The following GABRA5 variants were observed in gnomAD, a reference collection of about 807,000 sequenced individuals.
GABRA5 encodes gamma-aminobutyric acid type A receptor subunit alpha5.
A neutral mutation model predicts 47.3 loss-of-function variants in GABRA5; 18 were observed. The observed-to-expected ratio is 0.38, with a 90% CI of 0.26 to 0.56. The LOEUF is 0.56. Among genes scored for constraint, GABRA5 ranks in the 20% least tolerant of loss-of-function variants. The pLI is 0.71. For missense variants in GABRA5, 365 were observed against 599.3 expected (o/e 0.61, Z 4.08); for synonymous variants, 237 against 229.3 (o/e 1.03, Z -0.30).
At chr15:26,940,210 C>T (rs41309256) in intron 9 of GABRA5, 133 bp downstream of exon 9, 19,219 of 720,456 alleles carry the variant, frequency 0.027, 366 homozygotes, top group Non-Finnish European at 0.032. Context: ...AGAAATTGAC[C>T]CACTAATTAA....
intron 3 of GABRA5, chr15:26,880,631 T>A: frequency 2.3e-6 from 1 of 441,750 alleles, no homozygotes; most frequent in Non-Finnish European, 4.0e-6. Flanking sequence ...TCAGGTTAGG[T>A]GGTTGGATAA....
chr15:26,944,268 C>T (rs1894459229), intron 10 of GABRA5, among the ~76,000 whole-genome samples: 1 of 152,240 alleles, frequency 6.6e-6, no homozygotes. Context: ...CCTGGTTCCA[C>T]TGGGAGACCT....
chr15:26,878,397 C>T (rs536172922), intron 3 of GABRA5, among the ~76,000 whole-genome samples: 1 of 152,338 alleles, frequency 6.6e-6, no homozygotes, highest in African/African-American at 2.4e-5. Context: ...ACGAGCCTTT[C>T]TCTCCATGGC....
At chr15:26,872,510 A>G (rs561366016) in intron 3 of GABRA5, among the ~76,000 whole-genome samples, 1 of 152,336 alleles carries the variant, frequency 6.6e-6, no homozygotes, top group East Asian at 1.9e-4. Context: ...AAAAGGTAGT[A>G]CCTGCTTCAG....
In GABRA5 at chr15:26,937,344, G is replaced by A. The variant is rs143301914; in HGVS notation, c.724+16G>A. On this transcript the variant is annotated intron_variant, in intron 8 of 10. Coordinates refer to ENST00000335625, the MANE Select transcript of GABRA5 (RefSeq NM_000810.4). ...ACCAGCACAGGTGAGGGCTCGGCAC[G>A]CGCTGTGCTGCCAGGCGCACTCAGG... 1,780 of 1,590,906 alleles carry A rather than the reference G, an allele frequency of 1.1e-3. 19 individuals carry two copies. In the African/African-American group the frequency reaches 0.021, roughly 19 times the overall value.
rs535432382 is a variant in GABRA5, at chr15:26,948,362, T to G, written c.*129T>G. 1.3e-6 allele frequency: 1 copy of G among 775,470 alleles called. No individual in the cohort carries two copies. Among genetic ancestry groups the G allele is most frequent in the Non-Finnish European group, 2.1e-6 (1 of 485,358 alleles). The allele number at this position is 775,470 out of a possible 1,614,324, so 48.0% of individuals were successfully genotyped here. A position where few individuals can be genotyped will look rare whatever the true frequency, so the allele number is the denominator to read the frequency against. ...GGAAATTTTTGCATGTTTAATAATA[T>G]GTACAAATAATATTGCCTTGATGTT... is the stretch of plus-strand genomic sequence containing the variant. On this transcript the variant is annotated 3_prime_UTR_variant, in exon 11 of 11. Transcript: ENST00000335625.
Position 26,883,284 on chromosome 15 carries a change from C to T in GABRA5, c.276+51C>T, listed in dbSNP as rs1892783110. 3.7e-6 allele frequency: 6 copies of T among 1,609,826 alleles called. No homozygotes were observed. The highest frequency in any genetic ancestry group is 4.3e-6 in the Non-Finnish European group (5 of 1,176,160). On this transcript the variant is annotated intron_variant, in intron 5 of 10. Coordinates refer to ENST00000335625, the MANE Select transcript of GABRA5 (RefSeq NM_000810.4). This position sits in a 1 kb window ranked among gnomAD's most constrained non-coding sequence, Gnocchi z 4.8. ...GACAATTCTTACTCCGCGCCGCAGG[C>T]CCCCGCCCAGGCCCCGTGCCCTCTG...
At chr15:26,913,661 A>T (rs1893652116) in intron 6 of GABRA5, among the ~76,000 whole-genome samples, 4 of 152,194 alleles carry the variant, frequency 2.6e-5, no homozygotes, top group Non-Finnish European at 5.9e-5. Context: ...CTTTCATTGT[A>T]TGTAATTTCA....
Position 26,874,043 on chromosome 15 carries a change from C to T in GABRA5, c.86+4709C>T, listed in dbSNP as rs180954838. Among the ~76,000 whole-genome samples the T allele has an allele frequency of 1.3e-3, 193 of 152,350 alleles. 1 individual carries two copies. The highest frequency in any genetic ancestry group is 6.8e-3 in the Middle Eastern group (2 of 294). ...CAGGAGAGTCGGCCAGCGCAGCTCT[C>T]CGCCAAGACTGTCTGGCAGTCAGCT... On this transcript the variant is annotated intron_variant, in intron 3 of 10. Transcript: ENST00000335625.
At chr15:26,896,990 G>A (rs1046436695) in intron 6 of GABRA5, among the ~76,000 whole-genome samples, 4 of 148,458 alleles carry the variant, frequency 2.7e-5, no homozygotes, top group African/African-American at 1.0e-4. Context: ...TCTTAGAGAT[G>A]TAGAGAAAAA....
At chr15:26,874,317 ATTTTTT>A (rs67317843) in intron 3 of GABRA5, among the ~76,000 whole-genome samples, 1 of 126,722 alleles carries the variant, frequency 7.9e-6, no homozygotes, top group Non-Finnish European at 1.7e-5. Flanking sequence ...TTCACAATGC[ATTTTTT>A]TTTTAAATGC....
intron 6 of GABRA5, among the ~76,000 whole-genome samples, chr15:26,912,762 G>C (rs1036029717): frequency 3.3e-5 from 5 of 152,180 alleles, no homozygotes; most frequent in African/African-American, 4.8e-5. Flanking sequence ...TATATACCAA[G>C]AATGAAAAGA....
intron 6 of GABRA5, among the ~76,000 whole-genome samples, chr15:26,905,653 T>A (rs1595413722): frequency 6.6e-6 from 1 of 151,652 alleles, no homozygotes; most frequent in South Asian, 2.1e-4. Context: ...TCTGTTAGAC[T>A]CTGTTCATTT....
At chr15:26,879,763 A>T (rs1044936406) in intron 3 of GABRA5, among the ~76,000 whole-genome samples, 1 of 152,154 alleles carries the variant, frequency 6.6e-6, no homozygotes, top group Admixed American at 6.5e-5. Flanking sequence ...CTCTGATTTC[A>T]GCCTTTTCAT....
chr15:26,876,070 G>T (rs544544525), intron 3 of GABRA5, among the ~76,000 whole-genome samples: 1 of 152,256 alleles, frequency 6.6e-6, no homozygotes, highest in South Asian at 2.1e-4. Flanking sequence ...AGAGAAGTCA[G>T]GGATGACCCC....
intron 9 of GABRA5, among the ~76,000 whole-genome samples, chr15:26,942,275 C>A (rs1319751350): frequency 6.6e-6 from 1 of 152,224 alleles, no homozygotes; most frequent in Non-Finnish European, 1.5e-5. Flanking sequence ...GCATAATCTG[C>A]CAGTCCAAAG....
chr15:26,941,828 A>G (rs944898179), intron 9 of GABRA5, among the ~76,000 whole-genome samples: 2 of 152,162 alleles, frequency 1.3e-5, no homozygotes, highest in African/African-American at 2.4e-5. Flanking sequence ...TCTGTCTCCA[A>G]GGTTCCCCAT....
rs1282362716 is a variant in GABRA5 at position 26,942,647 on chromosome 15, T to C, written c.878-568T>C. Among the ~76,000 whole-genome samples, 7 of 152,210 alleles carry C rather than the reference T, an allele frequency of 4.6e-5. No individual in the cohort carries two copies. In the East Asian group the frequency reaches 1.4e-3, roughly 29 times the overall value. On this transcript the variant is annotated intron_variant, in intron 9 of 10. Transcript: ENST00000335625. ...CACGTCTTTGTTGAGCACTGGCTGTTTGCCTGGCTTTGTTCATGGCAGTGG... is the reference window on the plus strand; with the variant it reads ...CACGTCTTTGTTGAGCACTGGCTGTCTGCCTGGCTTTGTTCATGGCAGTGG...
chr15:26,944,122 G>A (rs1894455334), intron 10 of GABRA5, among the ~76,000 whole-genome samples: 2 of 152,178 alleles, frequency 1.3e-5, no homozygotes, highest in African/African-American at 2.4e-5. Context: ...CCATCGGGGC[G>A]ACCTGAAAGT....
Sources: allele counts gnomAD v4.1 joint callset (sites outside exome capture counted in the v4.1 genomes callset), GRCh38; gene constraint gnomAD v4.1.1; non-coding constraint Gnocchi (gnomAD v3.1); transcripts MANE v1.5; gene names NCBI Gene and HGNC (gene_info 2026-07-23, HGNC 2026-07-21).